Variants in COL6A5 observed in about 807,000 individuals in gnomAD.
COL6A5 encodes the protein collagen alpha-5(VI) chain.
COL6A5 carries 48 observed loss-of-function variants against 65.6 expected under a neutral mutation model. The observed-to-expected ratio is 0.73, with a 90% CI of 0.58 to 0.93. COL6A5 has a LOEUF of 0.93. Among genes scored for constraint, COL6A5 ranks in the 40% least tolerant of loss-of-function variants. The pLI, the probability that COL6A5 is intolerant of heterozygous loss-of-function variation, is 0.00. For synonymous variants in COL6A5, 291 were observed against 322.8 expected, an observed-to-expected ratio of 0.90 and a Z score of 1.05; for missense variants, 914 against 928.3, an observed-to-expected ratio of 0.98 and a Z score of 0.20.
At chr3:130,393,181 A>AACCTCATTGATCACCTCTCCC (rs1258334518) in intron 7 of COL6A5, among the ~76,000 whole-genome samples, 1 of 150,290 alleles carries the variant, frequency 6.7e-6, no homozygotes, top group African/African-American at 2.4e-5. Flanking sequence ...CCACCTCGCC[A>AACCTCATTGATCACCTCTCCC]ACCTCATTGA....
chr3:130,401,088 G>T lies in COL6A5; in HGVS notation c.4049G>T (p.Ser1350Ile), dbSNP rs779783384. 10 of 1,551,274 alleles carry T rather than the reference G, an allele frequency of 6.4e-6. No individual in the cohort carries two copies. The South Asian group carries it at 8.3e-5, about 13-fold the overall frequency. The change falls in exon 11 of 42, where the codon AGC becomes ATC. Residue 1350 changes from serine to isoleucine, a missense_variant and NMD_transcript_variant. Physicochemically the swap from Ser to Ile is moderately radical, Grantham distance 142. Transcript: ENST00000312481. ...ACAACTGCTCATCATGAGTTTTCTA[G>T]CTTTGAATTTGGAAAAAGATTCGAT...
At chr3:130,440,939 A>G (rs1363331223) in intron 3 of COL6A5, 114 bp downstream of exon 35, 2 of 813,858 alleles carry the variant, frequency 2.5e-6, no homozygotes, top group Non-Finnish European at 3.8e-6. Flanking sequence ...TATGAATTAG[A>G]TGGTGAGATA....
chr3:130,387,109 T>G (rs189663459), intron 5 of COL6A5, among the ~76,000 whole-genome samples: 100 of 152,180 alleles, frequency 6.6e-4, no homozygotes, highest in Admixed American at 7.2e-4. Context: ...AAGATCCAGT[T>G]CTTATCACCT....
intron 13 of COL6A5, among the ~76,000 whole-genome samples, chr3:130,404,993 A>C (rs1244699959): frequency 1.3e-5 from 2 of 152,158 alleles, no homozygotes; most frequent in African/African-American, 2.4e-5. Context: ...CCTGTATTTA[A>C]ATATTTCCTT....
chr3:130,440,499 G>C (rs752087466), exon 3 of COL6A5: 1 of 1,613,686 alleles, frequency 6.2e-7, no homozygotes, highest in East Asian at 2.2e-5. Context: ...CAGCTAAATG[G>C]AGAAGCAACA....
At chr3:130,413,992 T>G in intron 21 of COL6A5, 77 bp from the exon 22 acceptor site, 1 of 1,074,090 alleles carries the variant, frequency 9.3e-7, no homozygotes, top group Non-Finnish European at 1.4e-6. Context: ...CTATTTCTGA[T>G]GTAAATAGTA....
chr3:130,369,841 C>CACA (rs1935484689), intron 1 of COL6A5, among the ~76,000 whole-genome samples: 1 of 152,192 alleles, frequency 6.6e-6, no homozygotes, highest in Non-Finnish European at 1.5e-5. Flanking sequence ...GCATGTGTGC[C>CACA]TTCTCTCCAG....
intron 4 of COL6A5, among the ~76,000 whole-genome samples, chr3:130,451,916 C>T (rs1709451127): frequency 6.6e-6 from 1 of 152,088 alleles, no homozygotes; most frequent in Non-Finnish European, 1.5e-5. Context: ...CCCAGTCACC[C>T]CAAACAGTGA....
At chr3:130,384,855 G>A (rs1385261806) in exon 5 of COL6A5, 1 of 1,550,508 alleles carries the variant, frequency 6.4e-7, no homozygotes, top group Admixed American at 2.0e-5. Context: ...GATGGCTCAA[G>A]CAGCATCCAG....
In COL6A5 at chr3:130,361,473, C is replaced by T. The variant is rs528537990; in HGVS notation, c.-28-12138C>T. Among the ~76,000 whole-genome samples the T allele has an allele frequency of 1.9e-4, 29 of 152,152 alleles. 2 individuals are homozygous for T. The South Asian group carries it at 5.8e-3, about 30-fold the overall frequency. On this transcript the variant is annotated intron_variant and NMD_transcript_variant, in intron 1 of 41. Transcript: ENST00000312481. Reference sequence around the variant, plus strand: ...CTGAATATACCATAGTTCATCTGTTCACCAGCTAAAAGGCATATTGTTTGC... The same window carrying T: ...CTGAATATACCATAGTTCATCTGTTTACCAGCTAAAAGGCATATTGTTTGC...
At chr3:130,423,052 T>C (rs188195229) in intron 28 of COL6A5, among the ~76,000 whole-genome samples, 5 of 152,216 alleles carry the variant, frequency 3.3e-5, no homozygotes, top group Admixed American at 1.3e-4. Flanking sequence ...TAACTTGCTG[T>C]TCCAAGAAAT....
Position 130,389,041 on chromosome 3 carries a change from A to T in COL6A5, c.2323A>T (p.Ser775Cys), listed in dbSNP as rs767687973. Residue 775 changes from serine (S) to cysteine (C), a missense_variant and NMD_transcript_variant, in exon 6 of 42, where the codon AGT (serine) becomes TGT (cysteine). Ser to Cys is a moderately radical substitution (Grantham distance 112). Coordinates refer to the COL6A5 transcript ENST00000312481. Reference sequence around the variant, plus strand: ...CAATAGATCTCAGCTAGAAGAGATCAGTGGGGATAGCAGCCTAGTTTTTCA... The same window carrying T: ...CAATAGATCTCAGCTAGAAGAGATCTGTGGGGATAGCAGCCTAGTTTTTCA... The T allele has an allele frequency of 7.2e-5, 109 of 1,513,492 alleles. No individual in the cohort carries two copies. The Middle Eastern group carries it at 1.2e-3, about 17-fold the overall frequency. 93.8% of individuals were successfully genotyped at this position (1,513,492 alleles called of 1,614,324 possible).
intron 4 of COL6A5, among the ~76,000 whole-genome samples, chr3:130,450,700 T>C (rs1709412162): frequency 6.6e-6 from 1 of 152,166 alleles, no homozygotes; most frequent in Admixed American, 6.5e-5. Context: ...CAACAGCGTC[T>C]TGTAATTTAG....
intron 4 of COL6A5, among the ~76,000 whole-genome samples, chr3:130,447,125 C>T (rs753832077): frequency 1.1e-4 from 17 of 152,076 alleles, no homozygotes; most frequent in Admixed American, 2.6e-4. Context: ...ACATATCCAG[C>T]GGTATAGTCT....
upstream of COL6A5, among the ~76,000 whole-genome samples, chr3:130,430,626 A>G (rs1308649588): frequency 6.6e-6 from 1 of 152,230 alleles, no homozygotes. Flanking sequence ...AGACATGAGT[A>G]TTGAGCTAGG....
chr3:130,349,920 TC>T (rs1486821425), intron 1 of COL6A5, among the ~76,000 whole-genome samples: 2 of 152,208 alleles, frequency 1.3e-5, no homozygotes, highest in East Asian at 3.8e-4. Flanking sequence ...GGCATGGAAC[TC>T]CTATCTGTAA....
At chr3:130,462,705 C>T (rs1368956862) in intron 5 of COL6A5, among the ~76,000 whole-genome samples, 3 of 152,014 alleles carry the variant, frequency 2.0e-5, no homozygotes, top group Non-Finnish European at 2.9e-5. Context: ...TTCTACAATG[C>T]CTAAGAAGAG....
At chr3:130,350,955 C>A (rs988808021) in intron 1 of COL6A5, among the ~76,000 whole-genome samples, 1 of 152,090 alleles carries the variant, frequency 6.6e-6, no homozygotes, top group African/African-American at 2.4e-5. Flanking sequence ...GTACTGGTAC[C>A]AAAACAGAGA....
At chr3:130,451,485 C>G (rs543543851) in intron 4 of COL6A5, among the ~76,000 whole-genome samples, 63 of 152,030 alleles carry the variant, frequency 4.1e-4, no homozygotes, top group African/African-American at 1.3e-3. Flanking sequence ...GTTGAGGAAC[C>G]GAAACGACAG....
Sources: allele counts gnomAD v4.1 joint callset (sites outside exome capture counted in the v4.1 genomes callset), GRCh38; gene constraint gnomAD v4.1.1; transcripts MANE v1.5; gene names NCBI Gene and HGNC (gene_info 2026-07-23, HGNC 2026-07-21).